Variants in CACNA2D3 observed in about 807,000 individuals in gnomAD.
CACNA2D3 encodes voltage-dependent calcium channel subunit alpha-2/delta-3.
CACNA2D3 carries 60 observed loss-of-function variants against 160.6 expected under a neutral mutation model. That is an observed-to-expected ratio of 0.37 (90% CI 0.30 to 0.46). CACNA2D3 has a LOEUF of 0.46. Among genes scored for constraint, CACNA2D3 ranks in the 20% least tolerant of loss-of-function variants. CACNA2D3 has a pLI of 1.00. For synonymous variants in CACNA2D3, 558 were observed against 492.9 expected (o/e 1.13, Z -1.75); for missense variants, 1,205 against 1,365.0 (o/e 0.88, Z 1.85).
chr3:54,191,159 T>C (rs1210650424), intron 2 of CACNA2D3, among the ~76,000 whole-genome samples: 1 of 152,042 alleles, frequency 6.6e-6, no homozygotes, highest in Non-Finnish European at 1.5e-5. Flanking sequence ...AACACATTCC[T>C]GCTCCGGGGA....
At chr3:54,732,443 G>A (rs1701410253) in intron 11 of CACNA2D3, among the ~76,000 whole-genome samples, 1 of 152,186 alleles carries the variant, frequency 6.6e-6, no homozygotes, top group South Asian at 2.1e-4. Context: ...CGGGTCTGGG[G>A]TGAGAGTTCA....
chr3:54,731,220 C>CA (rs770732079), intron 11 of CACNA2D3, among the ~76,000 whole-genome samples: 68 of 152,104 alleles, frequency 4.5e-4, no homozygotes, highest in Middle Eastern at 3.4e-3. Flanking sequence ...CTCAGACTCA[C>CA]ATTTCCTCTA....
intron 13 of CACNA2D3, among the ~76,000 whole-genome samples, chr3:54,790,050 A>G (rs1157534730): frequency 6.6e-6 from 1 of 152,182 alleles, no homozygotes; most frequent in Non-Finnish European, 1.5e-5. Flanking sequence ...TATGTCACTT[A>G]TGGAGTGATT....
At chr3:55,018,440 G>T (rs770344351) in intron 35 of CACNA2D3, 123 bp downstream of exon 35, 5 of 631,526 alleles carry the variant, frequency 7.9e-6, no homozygotes, top group East Asian at 5.6e-5. Context: ...GCCCTCTTGC[G>T]TAAGGAAGTA....
intron 27 of CACNA2D3, among the ~76,000 whole-genome samples, chr3:54,927,057 A>G (rs1452690697): frequency 6.6e-6 from 1 of 152,242 alleles, no homozygotes; most frequent in Non-Finnish European, 1.5e-5. Context: ...CCACACAGTA[A>G]TATCCAAAAC....
chr3:54,133,728 C>G (rs977908173), intron 2 of CACNA2D3, among the ~76,000 whole-genome samples: 9 of 152,212 alleles, frequency 5.9e-5, no homozygotes, highest in African/African-American at 2.2e-4. Context: ...CAGCCCTCCC[C>G]TCATGTGGTC....
chr3:54,143,989 G>A (rs1347931028), intron 2 of CACNA2D3, among the ~76,000 whole-genome samples: 1 of 152,112 alleles, frequency 6.6e-6, no homozygotes, highest in East Asian at 1.9e-4. Context: ...TTTTTCATAT[G>A]ATAGATAAAA....
At chr3:54,476,843 G>T (rs556443095) in intron 4 of CACNA2D3, among the ~76,000 whole-genome samples, 1 of 152,228 alleles carries the variant, frequency 6.6e-6, no homozygotes, top group Non-Finnish European at 1.5e-5. Context: ...AAATAATTTT[G>T]TATGGATTTG....
intron 2 of CACNA2D3, among the ~76,000 whole-genome samples, chr3:54,214,048 G>A (rs189999349): frequency 2.6e-5 from 4 of 152,270 alleles, no homozygotes; most frequent in East Asian, 3.9e-4. Flanking sequence ...TATTTGCTGA[G>A]ATATCTTAGT....
At chr3:54,503,699 G>C (rs766548901) in intron 5 of CACNA2D3, 45 bp downstream of exon 5, 1 of 1,573,140 alleles carries the variant, frequency 6.4e-7, no homozygotes, top group South Asian at 1.1e-5. Context: ...GAAGAATCAG[G>C]GGGTTGAGAA....
At chr3:54,468,890 G>T (rs928474788) in intron 4 of CACNA2D3, among the ~76,000 whole-genome samples, 4 of 152,112 alleles carry the variant, frequency 2.6e-5, no homozygotes, top group African/African-American at 4.8e-5. Context: ...CTCCTTTCTG[G>T]GTACGACATC....
chr3:54,599,097 C>T (rs1015401045), intron 9 of CACNA2D3, among the ~76,000 whole-genome samples: 11 of 152,124 alleles, frequency 7.2e-5, no homozygotes, highest in African/African-American at 2.4e-4. Flanking sequence ...CAGGTGCGGC[C>T]GCCTTGGCTG....
At chr3:54,657,969 G>A (rs1020507818) in intron 11 of CACNA2D3, among the ~76,000 whole-genome samples, 1 of 152,208 alleles carries the variant, frequency 6.6e-6, no homozygotes, top group Non-Finnish European at 1.5e-5. Flanking sequence ...AATGAGCTGA[G>A]ATTGCACCAC....
intron 27 of CACNA2D3, among the ~76,000 whole-genome samples, chr3:54,962,053 T>TCATTAATC (rs60105939): frequency 0.39 from 59,318 of 151,162 alleles, 13,273 homozygotes; most frequent in East Asian, 0.54. Context: ...TCATGATAAC[T>TCATTAATC]CATTAATCCA....
At chr3:54,228,338 G>A (rs975778015) in intron 2 of CACNA2D3, among the ~76,000 whole-genome samples, 1 of 152,210 alleles carries the variant, frequency 6.6e-6, no homozygotes, top group Non-Finnish European at 1.5e-5. Context: ...CTCCGAGTGA[G>A]TTTTGATTGT....
At chr3:54,976,743 A>C (rs577366579) in intron 29 of CACNA2D3, among the ~76,000 whole-genome samples, 10 of 152,248 alleles carry the variant, frequency 6.6e-5, no homozygotes, top group Middle Eastern at 3.4e-3. Flanking sequence ...TGGTTTTCCA[A>C]GTTCTGAGTT....
intron 2 of CACNA2D3, among the ~76,000 whole-genome samples, chr3:54,210,291 A>C (rs1451224784): frequency 6.6e-6 from 1 of 152,168 alleles, no homozygotes; most frequent in Non-Finnish European, 1.5e-5. Context: ...GGGAACAATG[A>C]GGTGACCTTC....
intron 27 of CACNA2D3, among the ~76,000 whole-genome samples, chr3:54,938,055 G>A (rs573400622): frequency 3.9e-5 from 6 of 152,316 alleles, no homozygotes; most frequent in South Asian, 2.1e-4. Flanking sequence ...TGAAATCCCC[G>A]TACACGTTTC....
At chr3:54,287,368 A>G (rs1703059849) in intron 2 of CACNA2D3, among the ~76,000 whole-genome samples, 2 of 151,956 alleles carry the variant, frequency 1.3e-5, no homozygotes, top group Admixed American at 1.3e-4. Context: ...TTCAACAAGA[A>G]GAGCTAACTA....
Sources: gnomAD v4.1 joint callset for allele counts (sites outside exome capture counted in the v4.1 genomes callset) on GRCh38, gnomAD v4.1.1 for gene constraint, MANE v1.5 for transcripts, NCBI Gene and HGNC (gene_info 2026-07-23, HGNC 2026-07-21) for gene names.